CFAP300: variants seen among roughly 807,000 people sequenced by gnomAD.
CFAP300 encodes cilia and flagella associated protein 300, also known as cilia- and flagella-associated protein 300.
Under a neutral mutation model 33.0 loss-of-function variants are expected in CFAP300, and 32 were observed. The ratio of observed to expected loss-of-function variants is 0.97; its 90% CI spans 0.73 to 1.30. The LOEUF is 1.30. Ranked by LOEUF, CFAP300 falls within the 50% of genes most tolerant of loss-of-function variation. CFAP300 has a pLI of 0.00. For missense variants in CFAP300, 356 were observed against 318.1 expected, an observed-to-expected ratio of 1.12 and a Z score of -0.90; for synonymous variants, 102 against 106.8, an observed-to-expected ratio of 0.95 and a Z score of 0.28.
At chr11:102,070,356 G>A (rs561599712) in intron 4 of CFAP300, among the ~76,000 whole-genome samples, 5 of 152,182 alleles carry the variant, frequency 3.3e-5, no homozygotes, top group Non-Finnish European at 7.3e-5. Context: ...CTGTTGGTAA[G>A]TTTTCTGTAG....
chr11:102,070,928 T>C (rs1942304616), intron 4 of CFAP300, among the ~76,000 whole-genome samples: 1 of 152,218 alleles, frequency 6.6e-6, no homozygotes, highest in Non-Finnish European at 1.5e-5. Context: ...TGTTTTCAAT[T>C]TTTTAAGTGT....
At chr11:102,072,707 C>T (rs1455044337) in intron 4 of CFAP300, among the ~76,000 whole-genome samples, 18 of 152,038 alleles carry the variant, frequency 1.2e-4, no homozygotes, top group Non-Finnish European at 2.4e-4. Flanking sequence ...TCTTTTCTTC[C>T]TTTTTCATAT....
chr11:102,075,893 A>T lies in CFAP300; in HGVS notation c.456A>T (p.Ser152=), dbSNP rs952198100. 10 of 1,611,824 alleles carry T rather than the reference A, an allele frequency of 6.2e-6. No individual in the cohort carries two copies. Among genetic ancestry groups the T allele is most frequent in the Non-Finnish European group, 8.5e-6 (10 of 1,179,380 alleles). ...ELRRVLLVED[S]EKYEIFSQPD... is the part of the protein sequence containing the mutation. ...CTTAGGTTTTGCTAGTGGAAGACTC[A>T]GAAAAATATGAAATATTCAGCCAAC... The change falls in exon 5 of 7, where the codon TCA becomes TCT. Residue 152 remains serine (S), a synonymous_variant. Coordinates refer to ENST00000434758, the MANE Select transcript of CFAP300 (RefSeq NM_032930.3).
intron 5 of CFAP300, among the ~76,000 whole-genome samples, chr11:102,078,030 A>G (rs1942422491): frequency 6.6e-6 from 1 of 151,940 alleles, no homozygotes; most frequent in Admixed American, 6.6e-5. Context: ...AGCTGGGATC[A>G]CAAGCACACA....
rs770229788 is a variant in CFAP300 at position 102,075,957 on chromosome 11, CT to C, written c.523del (p.Cys175AlafsTer12). 2 of 1,613,768 alleles carry C rather than the reference CT, an allele frequency of 1.2e-6. No homozygotes were observed. Among genetic ancestry groups the C allele is most frequent in the Non-Finnish European group, 1.7e-6 (2 of 1,179,912 alleles). ...EEFLFCLFKHLCLGGALCQYE... is the reference protein window; with the variant it reads ...EEFLFCLFKHXCLGGALCQYE... ...GTTCCTGTTTTGTCTTTTCAAACAT[CT>C]TTGCCTTGGTGGAGCCCTTTGTCAA... On this transcript the variant is annotated frameshift_variant, in exon 5 of 7. Coordinates refer to ENST00000434758, the MANE Select transcript of CFAP300 (RefSeq NM_032930.3). LOFTEE classifies it high-confidence loss of function.
At chr11:102,082,536 T>C (rs1942489290) in intron 6 of CFAP300, among the ~76,000 whole-genome samples, 1 of 152,212 alleles carries the variant, frequency 6.6e-6, no homozygotes, top group African/African-American at 2.4e-5. Context: ...CATGTAAGTA[T>C]AGTACATATG....
intron 4 of CFAP300, 140 bp downstream of exon 4, chr11:102,066,791 T>A: frequency 1.5e-6 from 1 of 658,268 alleles, no homozygotes; most frequent in Non-Finnish European, 2.5e-6. Context: ...GTAATAATCC[T>A]AACATTGGTA....
intron 5 of CFAP300, among the ~76,000 whole-genome samples, chr11:102,077,818 G>A (rs1426378554): frequency 6.6e-6 from 1 of 152,066 alleles, no homozygotes; most frequent in African/African-American, 2.4e-5. Flanking sequence ...CGGGTGATCT[G>A]CCCGCCTCAG....
intron 4 of CFAP300, among the ~76,000 whole-genome samples, chr11:102,075,121 A>T (rs7943740): frequency 6.6e-6 from 1 of 151,988 alleles, no homozygotes; most frequent in East Asian, 1.9e-4. Flanking sequence ...AAGAAAAAAT[A>T]AAGTAGGTAG....
intron 2 of CFAP300, among the ~76,000 whole-genome samples, chr11:102,057,361 A>AGAAAACT (rs1460867609): frequency 6.6e-6 from 1 of 151,822 alleles, no homozygotes; most frequent in Non-Finnish European, 1.5e-5. Context: ...AAAGAAAAAA[A>AGAAAACT]GAAAACTTTC....
At chr11:102,049,138 T>C (rs754119608) in intron 2 of CFAP300, among the ~76,000 whole-genome samples, 19 of 152,252 alleles carry the variant, frequency 1.2e-4, no homozygotes, top group Non-Finnish European at 2.8e-4. Context: ...GATTGTGTCA[T>C]AGTTCTGGAG....
chr11:102,054,177 A>G (rs938185807), intron 2 of CFAP300, among the ~76,000 whole-genome samples: 3 of 152,076 alleles, frequency 2.0e-5, no homozygotes, highest in African/African-American at 7.2e-5. Flanking sequence ...GCTAACTCCT[A>G]CTCAACTTTC....
chr11:102,078,499 C>G (rs2135050072), intron 5 of CFAP300, among the ~76,000 whole-genome samples: 1 of 152,080 alleles, frequency 6.6e-6, no homozygotes, highest in South Asian at 2.1e-4. Context: ...TTTCCTTTTC[C>G]TTTTTTCTTA....
chr11:102,055,186 G>C (rs974672462), intron 2 of CFAP300, among the ~76,000 whole-genome samples: 1 of 151,680 alleles, frequency 6.6e-6, no homozygotes, highest in African/African-American at 2.4e-5. Flanking sequence ...TCAACATGTT[G>C]GTCAGGTTAG....
chr11:102,073,640 A>ATGGGG (rs1942349828), intron 4 of CFAP300, among the ~76,000 whole-genome samples: 1 of 150,830 alleles, frequency 6.6e-6, no homozygotes, highest in African/African-American at 2.4e-5. Context: ...GCCCTGCTGC[A>ATGGGG]TGGGGTGGGG....
rs141042667 is a variant in CFAP300, at chr11:102,047,996, G to A, written c.192+100G>A. On this transcript the variant is annotated intron_variant, in intron 2 of 6. Transcript: ENST00000434758. ...TGTGAACACGCTATTCCTTACTGAC[G>A]TCGTTTTCTTGGCGTTTGGGAGTAA... is the stretch of plus-strand genomic sequence containing the variant. The A allele has an allele frequency of 9.8e-4, 1,121 of 1,139,108 alleles. 11 individuals are homozygous for A. The African/African-American group carries it at 0.016, about 17-fold the overall frequency. The allele number at this position is 1,139,108 out of a possible 1,614,324, so 70.6% of individuals were successfully genotyped here.
intron 4 of CFAP300, among the ~76,000 whole-genome samples, chr11:102,067,420 T>C (rs929908928): frequency 6.6e-6 from 1 of 152,166 alleles, no homozygotes; most frequent in African/African-American, 2.4e-5. Context: ...TTTATCTCAT[T>C]GCTAATATCA....
chr11:102,076,632 G>A (rs1473750247), intron 5 of CFAP300, among the ~76,000 whole-genome samples: 1 of 152,128 alleles, frequency 6.6e-6, no homozygotes, highest in East Asian at 1.9e-4. Context: ...CAGTTATGAA[G>A]ATATTGGATC....
At chr11:102,073,439 T>C (rs1038005305) in intron 4 of CFAP300, among the ~76,000 whole-genome samples, 4 of 152,168 alleles carry the variant, frequency 2.6e-5, no homozygotes, top group African/African-American at 9.7e-5. Context: ...CTGGGTGTGC[T>C]TGGGCACTGG....
Sources: allele counts gnomAD v4.1 joint callset (sites outside exome capture counted in the v4.1 genomes callset), GRCh38; gene constraint gnomAD v4.1.1; transcripts MANE v1.5; gene names NCBI Gene and HGNC (gene_info 2026-07-23, HGNC 2026-07-21).